Variants in THSD7B observed in about 807,000 individuals in gnomAD.
THSD7B encodes the protein thrombospondin type 1 domain containing 7B, also known as thrombospondin type-1 domain-containing protein 7B.
Under a neutral mutation model 213.6 loss-of-function variants are expected in THSD7B, and 138 were observed. The ratio of observed to expected loss-of-function variants is 0.65; its 90% CI spans 0.56 to 0.74. The LOEUF (loss-of-function observed/expected upper bound fraction) is 0.74, where lower values mean the gene tolerates loss of function less well. Ranked by LOEUF, THSD7B falls within the 30% of genes least tolerant of loss-of-function variation. The pLI is 0.00. For missense variants in THSD7B, 1,931 were observed against 1,991.5 expected (o/e 0.97, Z 0.58); for synonymous variants, 742 against 687.0 (o/e 1.08, Z -1.25).
intron 3 of THSD7B, 123 bp from the exon 4 acceptor site, chr2:137,094,750 A>T: frequency 7.8e-7 from 1 of 1,289,506 alleles, no homozygotes; most frequent in Non-Finnish European, 1.1e-6. Flanking sequence ...AAATTTTTTA[A>T]AAATCTTCCT....
intron 20 of THSD7B, among the ~76,000 whole-genome samples, chr2:137,640,277 C>G (rs1682915631): frequency 6.6e-6 from 1 of 152,144 alleles, no homozygotes; most frequent in Non-Finnish European, 1.5e-5. Flanking sequence ...TCATTTTTCT[C>G]TTACCACCAC....
intron 16 of THSD7B, among the ~76,000 whole-genome samples, chr2:137,567,466 A>G (rs917747504): frequency 3.9e-5 from 6 of 152,124 alleles, no homozygotes; most frequent in African/African-American, 1.4e-4. Context: ...GATGTGGTAT[A>G]GGGAAGGTAT....
At chr2:137,054,780 T>A (rs574767278) in intron 2 of THSD7B, among the ~76,000 whole-genome samples, 78 of 150,130 alleles carry the variant, frequency 5.2e-4, no homozygotes, top group African/African-American at 1.3e-3. Context: ...TTTTTTTTTT[T>A]AATTTTAAGT....
At chr2:137,161,721 G>A (rs1271852974) in intron 6 of THSD7B, among the ~76,000 whole-genome samples, 4 of 152,146 alleles carry the variant, frequency 2.6e-5, no homozygotes, top group Non-Finnish European at 2.9e-5. Context: ...TGTCCCCCAC[G>A]CCTCCGCAGC....
chr2:137,512,227 G>T (rs1036975276), intron 15 of THSD7B: 26 of 151,934 alleles, frequency 1.7e-4, no homozygotes, highest in Admixed American at 5.2e-4. Flanking sequence ...TTTTAAACTT[G>T]CTTTCTAAAC....
chr2:136,877,861 A>G (rs761600776), intron 1 of THSD7B, among the ~76,000 whole-genome samples: 61 of 152,162 alleles, frequency 4.0e-4, no homozygotes, highest in Admixed American at 1.3e-3. Flanking sequence ...AACTGTGGGC[A>G]GGGTGGTATA....
At chr2:136,781,203 C>A (rs1681735505) in intron 1 of THSD7B, among the ~76,000 whole-genome samples, 1 of 150,370 alleles carries the variant, frequency 6.7e-6, no homozygotes, top group South Asian at 2.1e-4. Context: ...TGGCCCAACA[C>A]AAATTAATTT....
intron 15 of THSD7B, among the ~76,000 whole-genome samples, chr2:137,560,067 G>A (rs953043659): frequency 2.4e-4 from 29 of 122,196 alleles, no homozygotes; most frequent in Admixed American, 2.3e-3. Flanking sequence ...AACAACAGGT[G>A]CTGGAGAGGA....
chr2:137,259,471 G>A lies in THSD7B; in HGVS notation c.2267-13062G>A, dbSNP rs559413060. On this transcript the variant is annotated intron_variant, in intron 10 of 27. Coordinates refer to ENST00000409968, the MANE Select transcript of THSD7B (RefSeq NM_001316349.2). ...GCTTTTTTATATATGTTTGTTGGCT[G>A]CATAAATATCTTCTTTTGACAAGGG... Among the ~76,000 whole-genome samples, 8 of 152,278 alleles carry A rather than the reference G, an allele frequency of 5.3e-5. No homozygotes were observed. The South Asian group carries it at 6.2e-4, about 12-fold the overall frequency.
At chr2:137,185,898 A>G (rs1290531435) in intron 7 of THSD7B, among the ~76,000 whole-genome samples, 1 of 152,162 alleles carries the variant, frequency 6.6e-6, no homozygotes, top group Non-Finnish European at 1.5e-5. Flanking sequence ...CCTTGCCAGC[A>G]TCTGTTGTTT....
At chr2:137,486,638 C>T (rs1261312026) in intron 15 of THSD7B, among the ~76,000 whole-genome samples, 8 of 150,866 alleles carry the variant, frequency 5.3e-5, no homozygotes, top group South Asian at 2.1e-4. Flanking sequence ...CTGCACCAAG[C>T]GGACCTAATA....
chr2:137,339,252 G>A (rs1377933866), intron 12 of THSD7B, among the ~76,000 whole-genome samples: 3 of 146,234 alleles, frequency 2.1e-5, no homozygotes, highest in East Asian at 2.1e-4. Context: ...GTCAGATGGC[G>A]AGCATCCAGC....
At chr2:137,550,976 CT>C (rs1243853746) in intron 15 of THSD7B, among the ~76,000 whole-genome samples, 3 of 151,528 alleles carry the variant, frequency 2.0e-5, no homozygotes, top group Admixed American at 2.0e-4. Context: ...ACATGTACCC[CT>C]GAACCTAAAA....
At chr2:136,882,099 T>C in intron 1 of THSD7B, 45 bp from the exon 2 acceptor site, 1 of 1,371,304 alleles carries the variant, frequency 7.3e-7, no homozygotes, top group Non-Finnish European at 9.5e-7. Flanking sequence ...TTGTTATCTT[T>C]TCTTTACAGA....
At chr2:136,895,776 C>T (rs1245378523) in intron 2 of THSD7B, among the ~76,000 whole-genome samples, 1 of 152,030 alleles carries the variant, frequency 6.6e-6, no homozygotes, top group Non-Finnish European at 1.5e-5. Flanking sequence ...TAGCCTCTGT[C>T]CTGCCTCTAG....
intron 10 of THSD7B, among the ~76,000 whole-genome samples, chr2:137,253,579 T>C (rs1682235850): frequency 6.6e-6 from 1 of 152,192 alleles, no homozygotes; most frequent in Non-Finnish European, 1.5e-5. Flanking sequence ...ATCTGTAGAA[T>C]TCTCTGCAGA....
At chr2:137,604,042 T>C (rs937753221) in intron 17 of THSD7B, among the ~76,000 whole-genome samples, 1 of 151,776 alleles carries the variant, frequency 6.6e-6, no homozygotes, top group Non-Finnish European at 1.5e-5. Context: ...ACCTGGGAGG[T>C]GGAGATTGCG....
intron 15 of THSD7B, among the ~76,000 whole-genome samples, chr2:137,560,806 G>A (rs1365696147): frequency 1.3e-5 from 2 of 152,000 alleles, no homozygotes; most frequent in East Asian, 1.9e-4. Flanking sequence ...AGCCCACCAT[G>A]TGTCCCTAAC....
At chr2:136,857,019 A>G (rs768561504) in intron 1 of THSD7B, among the ~76,000 whole-genome samples, 4 of 152,204 alleles carry the variant, frequency 2.6e-5, no homozygotes, top group Non-Finnish European at 5.9e-5. Flanking sequence ...GTTTCTTGAT[A>G]TGATGTAATT....
Sources: gnomAD v4.1 joint callset for allele counts (sites outside exome capture counted in the v4.1 genomes callset) on GRCh38, gnomAD v4.1.1 for gene constraint, MANE v1.5 for transcripts, NCBI Gene and HGNC (gene_info 2026-07-23, HGNC 2026-07-21) for gene names.